Variants in RNF24 observed in about 807,000 individuals in gnomAD.
RNF24 encodes ring finger protein 24.
Under a neutral mutation model 20.0 loss-of-function variants are expected in RNF24, and 14 were observed. The observed-to-expected ratio is 0.70, with a 90% confidence interval of 0.46 to 1.10. The LOEUF (loss-of-function observed/expected upper bound fraction) is 1.10. Among genes scored for constraint, RNF24 ranks in the 50% least tolerant of loss-of-function variants. RNF24 has a pLI of 0.00. For missense variants in RNF24, 124 were observed against 177.6 expected (o/e 0.70, Z 1.71); for synonymous variants, 45 against 61.1 (o/e 0.74, Z 1.23).
At chr20:3,975,269 GAACTTA>G (rs1159238153) in intron 1 of RNF24, among the ~76,000 whole-genome samples, 1 of 152,036 alleles carries the variant, frequency 6.6e-6, no homozygotes, top group African/African-American at 2.4e-5. Context: ...AGTGGATCAT[GAACTTA>G]AACTTAAAAT....
intron 4 of RNF24, among the ~76,000 whole-genome samples, chr20:3,940,904 A>C: frequency 6.6e-6 from 1 of 152,204 alleles, no homozygotes; most frequent in East Asian, 1.9e-4. Flanking sequence ...AAAATTACTA[A>C]AGGAAAGTTC....
At chr20:3,951,785 C>T (rs1007919419) in intron 2 of RNF24, among the ~76,000 whole-genome samples, 1 of 152,080 alleles carries the variant, frequency 6.6e-6, no homozygotes, top group Non-Finnish European at 1.5e-5. Context: ...CTTTTTGTTG[C>T]TCAAATTGAT....
At chr20:3,974,384 A>C in intron 1 of RNF24, 1 of 1,549,130 alleles carries the variant, frequency 6.5e-7, no homozygotes, top group Non-Finnish European at 8.7e-7. Flanking sequence ...CTCTTATTCA[A>C]CATAGTGCTG....
In RNF24 at chr20:3,957,463, A is replaced by G. The variant is rs1370928202; in HGVS notation, c.143+6412T>C. Among the ~76,000 whole-genome samples, 3 of 141,816 alleles carry G rather than the reference A, an allele frequency of 2.1e-5. No homozygotes were observed. In the Admixed American group the frequency reaches 2.2e-4, roughly 10 times the overall value. The allele number at this position is 141,816 out of a possible 152,430, so 93.0% of individuals were successfully genotyped here. A position where few individuals can be genotyped will look rare whatever the true frequency, so the allele number is the denominator to read the frequency against. On this transcript the variant is annotated intron_variant, in intron 2 of 5. Transcript: ENST00000358395. ...ACAGGCTGAGACCCTGTCTCAAAAA[A>G]AAAAAAATAATAATAATAAAAATAA...
intron 1 of RNF24, among the ~76,000 whole-genome samples, chr20:3,966,323 C>T (rs2091257524): frequency 6.6e-6 from 1 of 152,038 alleles, no homozygotes; most frequent in South Asian, 2.1e-4. Flanking sequence ...CCCATCTATA[C>T]TTCAATTTTC....
intron 1 of RNF24, among the ~76,000 whole-genome samples, chr20:3,998,625 G>T: frequency 6.7e-6 from 1 of 148,734 alleles, no homozygotes; most frequent in Non-Finnish European, 1.5e-5. Flanking sequence ...GCGTGGTGGC[G>T]TGTGCCTGTA....
chr20:3,960,541 G>A (rs767201120), intron 2 of RNF24, among the ~76,000 whole-genome samples: 25 of 151,970 alleles, frequency 1.6e-4, no homozygotes, highest in Non-Finnish European at 2.5e-4. Flanking sequence ...GGTGGCGTGC[G>A]CCTGTAGTCC....
rs114858183 is a variant in RNF24, at chr20:3,946,921, G to A, written c.186+1316C>T. On this transcript the variant is annotated intron_variant, in intron 3 of 5. Coordinates refer to ENST00000358395, the MANE Select transcript of RNF24 (RefSeq NM_001134337.3). ...AAGATAAGCAGTCCTGGCTGGGCGC[G>A]GTGGCTCACACCTGTAATCCTGGCA... 7.7e-3 allele frequency among the ~76,000 whole-genome samples: 1,177 copies of A among 152,108 alleles called. 13 individuals carry two copies. Among genetic ancestry groups the A allele is most frequent in the Middle Eastern group, 0.034 (10 of 294 alleles).
At chr20:3,936,785 T>C (rs954925595) in intron 4 of RNF24, among the ~76,000 whole-genome samples, 3 of 152,232 alleles carry the variant, frequency 2.0e-5, no homozygotes, top group African/African-American at 7.2e-5. Context: ...CTTATTTTTA[T>C]TCACTTATTT....
intron 1 of RNF24, among the ~76,000 whole-genome samples, chr20:4,001,418 G>A (rs1157399755): frequency 6.6e-6 from 1 of 152,148 alleles, no homozygotes; most frequent in Admixed American, 6.5e-5. Flanking sequence ...ACAATAAAAT[G>A]TAGTGGGGTT....
intron 4 of RNF24, among the ~76,000 whole-genome samples, chr20:3,935,574 T>G (rs903394621): frequency 4.6e-5 from 7 of 152,254 alleles, no homozygotes; most frequent in African/African-American, 1.7e-4. Context: ...GGCCTCCCAC[T>G]TTGGCACTGT....
chr20:4,003,191 G>A (rs1272437852), intron 1 of RNF24, among the ~76,000 whole-genome samples: 1 of 152,012 alleles, frequency 6.6e-6, no homozygotes, highest in Non-Finnish European at 1.5e-5. Flanking sequence ...GGCTGGTCTT[G>A]AACTCCTGAT....
intron 1 of RNF24, among the ~76,000 whole-genome samples, chr20:3,979,111 A>T (rs1407181975): frequency 6.7e-6 from 1 of 150,124 alleles, no homozygotes; most frequent in African/African-American, 2.4e-5. Context: ...AAAAAACCCA[A>T]AACAAATAAT....
intron 2 of RNF24, among the ~76,000 whole-genome samples, chr20:3,959,052 C>T (rs2091173780): frequency 1.3e-5 from 2 of 152,136 alleles, no homozygotes; most frequent in Admixed American, 6.5e-5. Context: ...TTTTACTATA[C>T]ACATTCTCTC....
chr20:3,977,737 C>A (rs563429364), intron 1 of RNF24, among the ~76,000 whole-genome samples: 1 of 151,470 alleles, frequency 6.6e-6, no homozygotes, highest in South Asian at 2.1e-4. Flanking sequence ...TGGTGGTGGG[C>A]GCCTGTAGTC....
chr20:3,936,388 A>G (rs1318973084), intron 4 of RNF24, among the ~76,000 whole-genome samples: 5 of 152,096 alleles, frequency 3.3e-5, no homozygotes, highest in African/African-American at 1.2e-4. Flanking sequence ...GGCCTGTCCC[A>G]CCCTACACAC....
chr20:3,987,124 ATGAT>A (rs1402425780), intron 1 of RNF24, among the ~76,000 whole-genome samples: 47 of 152,198 alleles, frequency 3.1e-4, no homozygotes, highest in African/African-American at 1.1e-3. Context: ...TGACTTCTAC[ATGAT>A]TCATTGTTTT....
chr20:3,999,506 G>A (rs763290818), intron 1 of RNF24, among the ~76,000 whole-genome samples: 1 of 152,154 alleles, frequency 6.6e-6, no homozygotes, highest in Non-Finnish European at 1.5e-5. Flanking sequence ...TGTAATTCCA[G>A]CACATTGGGA....
chr20:3,978,476 A>G (rs1485811150), intron 1 of RNF24, among the ~76,000 whole-genome samples: 3 of 152,240 alleles, frequency 2.0e-5, no homozygotes, highest in Non-Finnish European at 4.4e-5. Context: ...TATACATTGT[A>G]CACATATACC....
Sources: allele counts gnomAD v4.1 joint callset (sites outside exome capture counted in the v4.1 genomes callset), GRCh38; gene constraint gnomAD v4.1.1; transcripts MANE v1.5; gene names NCBI Gene and HGNC (gene_info 2026-07-23, HGNC 2026-07-21).